Variants in KCNJ16 observed in about 807,000 individuals in gnomAD.
The protein encoded by KCNJ16 is potassium inwardly rectifying channel subfamily J member 16.
A neutral mutation model predicts 18.5 loss-of-function variants in KCNJ16; 15 were observed. The observed-to-expected ratio is 0.81, with a 90% CI of 0.54 to 1.25. KCNJ16 has a LOEUF of 1.25. Ranked by LOEUF, KCNJ16 falls within the 50% of genes most tolerant of loss-of-function variation. The probability of loss-of-function intolerance (pLI) is 0.00; values close to 1 mark genes in which losing one functional copy is unlikely to be tolerated. For synonymous variants in KCNJ16, 174 were observed against 186.5 expected, an observed-to-expected ratio of 0.93 and a Z score of 0.55; for missense variants, 523 against 525.7, an observed-to-expected ratio of 0.99 and a Z score of 0.05.
intron 1 of KCNJ16, among the ~76,000 whole-genome samples, chr17:70,099,558 C>T (rs1014127601): frequency 8.5e-5 from 13 of 152,058 alleles, no homozygotes; most frequent in Non-Finnish European, 1.0e-4. Context: ...CAAGTAGAGA[C>T]GGACAGCCAT....
intron 2 of KCNJ16, among the ~76,000 whole-genome samples, chr17:70,116,967 G>T (rs531345216): frequency 6.6e-6 from 1 of 152,196 alleles, no homozygotes; most frequent in Non-Finnish European, 1.5e-5. Flanking sequence ...ATATTCAAAA[G>T]AAAACAAATC....
At chr17:70,078,085 G>T (rs2071393813) in intron 1 of KCNJ16, among the ~76,000 whole-genome samples, 1 of 152,088 alleles carries the variant, frequency 6.6e-6, no homozygotes, top group East Asian at 1.9e-4. Flanking sequence ...TTGTATAGCT[G>T]CTTTTAAATG....
At chr17:70,124,031 G>A (rs1218423438) in intron 2 of KCNJ16, among the ~76,000 whole-genome samples, 6 of 151,008 alleles carry the variant, frequency 4.0e-5, no homozygotes, top group Admixed American at 2.0e-4. Context: ...GAGGGAGGCT[G>A]CAGCCAAATC....
chr17:70,134,497 A>G lies in KCNJ16; in HGVS notation c.*1153A>G, dbSNP rs1171756966. The G allele has an allele frequency of 6.0e-6, 1 of 167,030 alleles. No individual in the cohort carries two copies. The highest frequency in any genetic ancestry group is 1.5e-5 in the Non-Finnish European group (1 of 68,134). 10.3% of individuals were successfully genotyped at this position (167,030 alleles called of 1,614,324 possible). A position where few individuals can be genotyped will look rare whatever the true frequency, so the allele number is the denominator to read the frequency against. On this transcript the variant is annotated 3_prime_UTR_variant, in exon 4 of 4. Transcript: ENST00000392671. ...AATTAAAGCGATTTGAATGCACAGTAAGTGGATAATCTGAGTACAATGAAA... is the reference window on the plus strand; with the variant it reads ...AATTAAAGCGATTTGAATGCACAGTGAGTGGATAATCTGAGTACAATGAAA...
At chr17:70,121,170 G>A (rs8066621) in intron 2 of KCNJ16, among the ~76,000 whole-genome samples, 8,167 of 152,162 alleles carry the variant, frequency 0.054, 707 homozygotes, top group African/African-American at 0.19. Flanking sequence ...CAATTAAGAA[G>A]TTCTTTTTGG....
intron 2 of KCNJ16, among the ~76,000 whole-genome samples, chr17:70,106,459 A>G (rs1001203350): frequency 6.6e-6 from 1 of 152,178 alleles, no homozygotes; most frequent in African/African-American, 2.4e-5. Context: ...TCCATTTTAG[A>G]GAGGAGAGAA....
At chr17:70,079,044 T>C (rs533198351) in intron 1 of KCNJ16, among the ~76,000 whole-genome samples, 1 of 152,178 alleles carries the variant, frequency 6.6e-6, no homozygotes, top group Admixed American at 6.5e-5. Context: ...CAAGGATCTC[T>C]AGAGAAGCAG....
At position 70,131,000 on chromosome 17, in the gene KCNJ16, A is replaced by G. The variant is rs574801302; in HGVS notation, c.-94+25A>G. 27 of 1,533,948 alleles carry G rather than the reference A, an allele frequency of 1.8e-5. No individual in the cohort carries two copies. In the South Asian group the frequency reaches 3.2e-4, roughly 18 times the overall value. ...GGTAAGAGCTGCATGTTCTGCCTTG[A>G]TGTTTTCAAGACTGAATTTGGAGGG... On this transcript the variant is annotated intron_variant, in intron 3 of 3. Coordinates refer to ENST00000392671, the MANE Select transcript of KCNJ16 (RefSeq NM_170741.4).
intron 1 of KCNJ16, among the ~76,000 whole-genome samples, chr17:70,085,499 A>C (rs1460253230): frequency 6.6e-6 from 1 of 152,208 alleles, no homozygotes; most frequent in Non-Finnish European, 1.5e-5. Context: ...AAGAGCCTCA[A>C]TTCCCCATAA....
rs576735952 is a variant in KCNJ16 at position 70,097,383 on chromosome 17, G to A, written c.-299-3275G>A. On this transcript the variant is annotated intron_variant, in intron 1 of 3. Transcript: ENST00000392671. ...TCTAACTAGGAACCAAGAATGGAAT[G>A]AGTTACCTTATTAAAAATTTTAAAT... Among the ~76,000 whole-genome samples, 114 of 152,278 alleles carry A rather than the reference G, an allele frequency of 7.5e-4. 1 individual carries two copies. The highest frequency in any genetic ancestry group is 1.2e-3 in the South Asian group (6 of 4,820).
intron 2 of KCNJ16, among the ~76,000 whole-genome samples, chr17:70,115,600 A>G (rs1218948446): frequency 2.6e-5 from 4 of 152,174 alleles, no homozygotes; most frequent in Non-Finnish European, 5.9e-5. Context: ...TAACAGTTTA[A>G]TATGGTTTGG....
At chr17:70,104,306 T>TGAAATTTA (rs2072810813) in intron 2 of KCNJ16, among the ~76,000 whole-genome samples, 1 of 152,118 alleles carries the variant, frequency 6.6e-6, no homozygotes, top group South Asian at 2.1e-4. Context: ...CTCTCTAATC[T>TGAAATTTA]GAAATTTAGA....
intron 1 of KCNJ16, among the ~76,000 whole-genome samples, chr17:70,098,916 T>A (rs1443932957): frequency 6.6e-6 from 1 of 152,198 alleles, no homozygotes; most frequent in African/African-American, 2.4e-5. Flanking sequence ...GAGCAAATTC[T>A]AAGTGCCTGA....
intron 2 of KCNJ16, among the ~76,000 whole-genome samples, chr17:70,112,422 T>C (rs2073225372): frequency 6.6e-6 from 1 of 151,948 alleles, no homozygotes; most frequent in African/African-American, 2.4e-5. Flanking sequence ...TACATGAGAT[T>C]TGGGAGTTCA....
Position 70,132,314 on chromosome 17 carries a change from TA to T in KCNJ16, c.228del (p.Ser78LeufsTer9). ...ACCAAGTGGCGCCATATGTTTGTGA[TA>T]TTTTCTTTATCTTATATTCTCTCGT... ...VDTKWRHMFVIFSLSYILSWL... is the reference protein window; with the variant it reads ...VDTKWRHMFVXFSLSYILSWL... On this transcript the variant is annotated frameshift_variant, in exon 4 of 4. Coordinates refer to ENST00000392671, the MANE Select transcript of KCNJ16 (RefSeq NM_170741.4). LOFTEE classifies it high-confidence loss of function. The T allele has an allele frequency of 2.5e-6, 4 of 1,614,208 alleles. No individual in the cohort carries two copies. Among genetic ancestry groups the T allele is most frequent in the Non-Finnish European group, 3.4e-6 (4 of 1,180,022 alleles).
chr17:70,082,053 G>A (rs916849433), intron 1 of KCNJ16, among the ~76,000 whole-genome samples: 6 of 152,056 alleles, frequency 3.9e-5, no homozygotes, highest in African/African-American at 9.7e-5. Context: ...GCAGTGACTC[G>A]TTCTGTTGGT....
At chr17:70,087,653 G>A (rs1411375461) in intron 1 of KCNJ16, among the ~76,000 whole-genome samples, 2 of 151,986 alleles carry the variant, frequency 1.3e-5, no homozygotes, top group Non-Finnish European at 2.9e-5. Context: ...GTTGTGGTGG[G>A]CCGAGATTGC....
intron 1 of KCNJ16, among the ~76,000 whole-genome samples, chr17:70,076,116 G>A (rs1010756390): frequency 2.6e-5 from 4 of 152,012 alleles, no homozygotes; most frequent in African/African-American, 9.7e-5. Flanking sequence ...GTATATTTAG[G>A]TAGTAAACAA....
In KCNJ16 at chr17:70,104,908, A is replaced by T. The variant is rs1337971343; in HGVS notation, c.-191+4142A>T. The T allele has an allele frequency of 3.3e-5, 5 of 152,724 alleles. No homozygotes were observed. In the Middle Eastern group the frequency reaches 0.017, roughly 519 times the overall value. The allele number at this position is 152,724 out of a possible 1,614,324, so 9.5% of individuals were successfully genotyped here. A position where few individuals can be genotyped will look rare whatever the true frequency, so the allele number is the denominator to read the frequency against. On this transcript the variant is annotated intron_variant, in intron 2 of 3. Transcript: ENST00000392671. ...ATGTATCCGGAAAGGCAAAGAAGAG[A>T]GAGATTCTCCTGTGGGGTTTCTCAT...
Sources: allele counts gnomAD v4.1 joint callset (sites outside exome capture counted in the v4.1 genomes callset), GRCh38; gene constraint gnomAD v4.1.1; transcripts MANE v1.5; gene names NCBI Gene and HGNC (gene_info 2026-07-23, HGNC 2026-07-21).